The following GGA3 variants were observed in gnomAD, a reference collection of about 807,000 sequenced individuals.
GGA3 encodes the protein golgi associated, gamma adaptin ear containing, ARF binding protein 3.
GGA3 carries 57 observed loss-of-function variants against 77.5 expected under a neutral mutation model. The observed-to-expected ratio is 0.74, with a 90% CI of 0.59 to 0.92. The LOEUF (loss-of-function observed/expected upper bound fraction) is 0.92. Among genes scored for constraint, GGA3 ranks in the 40% least tolerant of loss-of-function variants. The pLI is 0.00. For missense variants in GGA3, 970 were observed against 914.9 expected (o/e 1.06, Z -0.78); for synonymous variants, 416 against 383.7 (o/e 1.08, Z -0.98).
intron 3 of GGA3, 42 bp from the exon 4 acceptor site, chr17:75,244,759 C>A: frequency 1.5e-6 from 2 of 1,338,804 alleles, no homozygotes; most frequent in South Asian, 1.2e-5. Context: ...AGGGCGTGCT[C>A]GGGGCTGGAA....
chr17:75,258,952 CTTT>C (rs1189517940), intron 1 of GGA3, among the ~76,000 whole-genome samples: 52 of 131,288 alleles, frequency 4.0e-4, no homozygotes, highest in South Asian at 1.9e-3. Flanking sequence ...TGCCTTGTAT[CTTT>C]TTTTTTTTTT....
intron 5 of GGA3, 76 bp downstream of exon 5, chr17:75,243,371 C>A: frequency 6.3e-7 from 1 of 1,582,044 alleles, no homozygotes. Flanking sequence ...TCTGGGGATC[C>A]CAAACCTTCC....
intron 1 of GGA3, among the ~76,000 whole-genome samples, chr17:75,258,518 A>G (rs1433557769): frequency 6.6e-6 from 1 of 152,086 alleles, no homozygotes; most frequent in Non-Finnish European, 1.5e-5. Flanking sequence ...AAAAATACAA[A>G]AATGAGCCAG....
upstream of GGA3, chr17:75,261,986 G>A (rs1598474272): frequency 1.3e-6 from 2 of 1,556,600 alleles, no homozygotes; most frequent in East Asian, 4.7e-5. Flanking sequence ...CTTCCAGGGT[G>A]AGAGGGTGGC....
chr17:75,246,789 G>T lies in GGA3; in HGVS notation c.48C>A (p.Ala16=). The part of the protein sequence containing the change: ...GESLESWLNK[A]TNPSNRQEDW... ...CCTCCTGGCGGTTGGAAGGATTGGT[G>T]GCTTTATCTTGCAACACAACAAAGA... The change falls in exon 2 of 17, where the codon GCC becomes GCA. Residue 16 remains alanine, a synonymous_variant. Coordinates refer to ENST00000537686, the MANE Select transcript of GGA3 (RefSeq NM_138619.4). The T allele has an allele frequency of 1.2e-6, 2 of 1,611,460 alleles. No homozygotes were observed. The highest frequency in any genetic ancestry group is 8.5e-7 in the Non-Finnish European group (1 of 1,179,296).
chr17:75,241,318 G>T, intron 10 of GGA3, 82 bp downstream of exon 10: 1 of 929,508 alleles, frequency 1.1e-6, no homozygotes. Flanking sequence ...CCACCACGCT[G>T]GCCAGCCTAC....
chr17:75,249,493 C>G (rs1396403901), intron 1 of GGA3, among the ~76,000 whole-genome samples: 1 of 152,246 alleles, frequency 6.6e-6, no homozygotes, highest in Admixed American at 6.5e-5. Flanking sequence ...TCCTGCATTA[C>G]TGTATGGTAG....
intron 1 of GGA3, 37 bp downstream of exon 1, chr17:75,261,511 G>C: frequency 6.8e-7 from 1 of 1,477,254 alleles, no homozygotes; most frequent in Non-Finnish European, 9.0e-7. Context: ...GCAGCCCAGC[G>C]GCTCGAGGGC....
chr17:75,261,091 G>A (rs2077351005), intron 1 of GGA3, among the ~76,000 whole-genome samples: 1 of 152,234 alleles, frequency 6.6e-6, no homozygotes, highest in African/African-American at 2.4e-5. Flanking sequence ...CAATTCTGAA[G>A]CTGCCAGGCG....
Position 75,243,580 on chromosome 17 carries a change from A to G in GGA3, c.301-10T>C, listed in dbSNP as rs1299979312. On this transcript the variant is annotated splice_polypyrimidine_tract_variant and intron_variant, in intron 4 of 16. Coordinates refer to ENST00000537686, the MANE Select transcript of GGA3 (RefSeq NM_138619.4). The stretch of plus-strand genomic sequence containing the variant: ...CCCTGTCCCCCAGGTACTACATGGC[A>G]AAAGAAAATGAGGACCTAGTAAGTG... The G allele has an allele frequency of 5.0e-6, 8 of 1,613,564 alleles. No homozygotes were observed. Among genetic ancestry groups the G allele is most frequent in the Non-Finnish European group, 6.8e-6 (8 of 1,179,840 alleles).
chr17:75,240,899 G>A lies in GGA3; in HGVS notation c.1105C>T (p.Arg369Cys), dbSNP rs148801414. 24 of 1,613,644 alleles carry A rather than the reference G, an allele frequency of 1.5e-5. No individual in the cohort carries two copies. Among genetic ancestry groups the A allele is most frequent in the Admixed American group, 5.0e-5 (3 of 59,982 alleles). ...GTGGCCTCGGCCTGGCTAGAGGAGC[G>A]GCTCCGTGGAGGTCCTGAGGCCTGG... ...PPQASGPPRS[R>C]SSSQAEATLG... The change falls in exon 11 of 17, where the codon CGC (arginine) becomes TGC (cysteine). Residue 369 changes from arginine (R) to cysteine (C), a missense_variant. Arg to Cys is a radical substitution (Grantham distance 180). Transcript: ENST00000537686.
Position 75,238,903 on chromosome 17 carries a change from G to C in GGA3, c.1950+11C>G, listed in dbSNP as rs2076418826. On this transcript the variant is annotated intron_variant, in intron 15 of 16. Transcript: ENST00000537686. ...GATAAGGCCGTTTTGGCCCCAGGGAGACACTGGTACCTTGGGCACTGCAGC... is the reference window on the plus strand; with the variant it reads ...GATAAGGCCGTTTTGGCCCCAGGGACACACTGGTACCTTGGGCACTGCAGC... 1.2e-6 allele frequency: 2 copies of C among 1,612,874 alleles called. No homozygotes were observed. Among genetic ancestry groups the C allele is most frequent in the Admixed American group, 1.7e-5 (1 of 59,828 alleles).
chr17:75,250,609 TA>T (rs1339452556), intron 1 of GGA3, among the ~76,000 whole-genome samples: 3 of 150,070 alleles, frequency 2.0e-5, no homozygotes, highest in Admixed American at 2.0e-4. Flanking sequence ...CTAAAAATAC[TA>T]AAATTAGCTA....
Position 75,241,126 on chromosome 17 carries a change from C to T in GGA3, c.947-69G>A, listed in dbSNP as rs557757735. The T allele has an allele frequency of 5.7e-5, 89 of 1,552,434 alleles. No individual in the cohort carries two copies. The African/African-American group carries it at 8.4e-4, about 15-fold the overall frequency. The stretch of plus-strand genomic sequence containing the variant: ...CTAGTGGCTGTGTGGCAGGAGGCAG[C>T]ACCCTAGGCACAGAGGTCACTGCTA... On this transcript the variant is annotated intron_variant, in intron 10 of 16. Coordinates refer to ENST00000537686, the MANE Select transcript of GGA3 (RefSeq NM_138619.4).
At chr17:75,254,595 T>C (rs375852963) in intron 1 of GGA3, among the ~76,000 whole-genome samples, 10 of 151,982 alleles carry the variant, frequency 6.6e-5, no homozygotes, top group South Asian at 4.1e-4. Flanking sequence ...CCCAATCTGC[T>C]CCCGACATTA....
Position 75,242,813 on chromosome 17 carries a change from G to T in GGA3, c.609+18C>A. ...TGGGCTCCTCCACCCCGTGCCTGAA[G>T]GACCGGGGCCCACTCACTTCCTTCA... On this transcript the variant is annotated intron_variant, in intron 7 of 16. Coordinates refer to ENST00000537686, the MANE Select transcript of GGA3 (RefSeq NM_138619.4). 2 of 1,599,612 alleles carry T rather than the reference G, an allele frequency of 1.3e-6. No individual in the cohort carries two copies. Among genetic ancestry groups the T allele is most frequent in the Non-Finnish European group, 1.7e-6 (2 of 1,166,870 alleles).
rs1406056986 is a variant in GGA3 at position 75,236,898 on chromosome 17, G to A, written c.*1381C>T. 6.5e-6 allele frequency: 1 copy of A among 155,002 alleles called. No homozygotes were observed. The allele number at this position is 155,002 out of a possible 1,614,324, so 9.6% of individuals were successfully genotyped here. A position where few individuals can be genotyped will look rare whatever the true frequency, so the allele number is the denominator to read the frequency against. ...CAGTGAAACCTGCTTGCTAAAGACA[G>A]CGAGGGGCAGGGAAGGGATATGACC... On this transcript the variant is annotated 3_prime_UTR_variant, in exon 17 of 17. Transcript: ENST00000537686.
intron 1 of GGA3, among the ~76,000 whole-genome samples, chr17:75,258,321 C>T (rs1441407048): frequency 1.3e-5 from 2 of 152,234 alleles, no homozygotes; most frequent in East Asian, 1.9e-4. Context: ...ACCAAAACAC[C>T]GATTTCACCT....
chr17:75,242,831 T>C lies in GGA3; in HGVS notation c.609A>G (p.Glu203=). 6.2e-7 allele frequency: 1 copy of C among 1,612,216 alleles called. No individual in the cohort carries two copies. ...GCCTGAAGGACCGGGGCCCACTCAC[T>C]TCCTTCACCATGGACTTGATGAGCT... ...ANKLIKSMVK[E]DEARIQKVTK... Residue 203 remains glutamate (E), a splice_region_variant and synonymous_variant, in exon 7 of 17, where the codon GAA becomes GAG. Coordinates refer to ENST00000537686, the MANE Select transcript of GGA3 (RefSeq NM_138619.4).
Sources: allele counts gnomAD v4.1 joint callset (sites outside exome capture counted in the v4.1 genomes callset), GRCh38; gene constraint gnomAD v4.1.1; transcripts MANE v1.5; gene names NCBI Gene and HGNC (gene_info 2026-07-23, HGNC 2026-07-21).